EFHD1: variants seen among roughly 807,000 people sequenced by gnomAD.
EFHD1 encodes the protein EF-hand domain family member D1, also known as EF-hand domain-containing protein D1.
Under a neutral mutation model 17.2 loss-of-function variants are expected in EFHD1, and 10 were observed. The ratio of observed to expected loss-of-function variants is 0.58; its 90% CI spans 0.36 to 0.99. The LOEUF is 0.99. EFHD1 is among the 50% of genes least tolerant of loss of function. EFHD1 has a pLI of 0.01. For synonymous variants in EFHD1, 153 were observed against 142.0 expected (o/e 1.08, Z -0.55); for missense variants, 310 against 327.5 (o/e 0.95, Z 0.41).
At chr2:232,632,390 G>T (rs1694219711), upstream of EFHD1, among the ~76,000 whole-genome samples, 1 of 152,178 alleles carries the variant, frequency 6.6e-6, no homozygotes, top group Admixed American at 6.6e-5. Flanking sequence ...GTCCAGCGGG[G>T]TCACTGACCT....
At chr2:232,621,926 G>A (rs1694025128) in intron 1 of EFHD1, among the ~76,000 whole-genome samples, 1 of 152,186 alleles carries the variant, frequency 6.6e-6, no homozygotes, top group Non-Finnish European at 1.5e-5. Flanking sequence ...GGAAGAGCCA[G>A]GATAGTTTAT....
intron 1 of EFHD1, among the ~76,000 whole-genome samples, chr2:232,628,027 C>T (rs1289210043): frequency 6.6e-6 from 1 of 152,062 alleles, no homozygotes; most frequent in African/African-American, 2.4e-5. Context: ...GACTCTGCAC[C>T]AAAATGAAGT....
intron 1 of EFHD1, among the ~76,000 whole-genome samples, chr2:232,646,839 C>G (rs1308068233): frequency 6.6e-6 from 1 of 152,262 alleles, no homozygotes; most frequent in Middle Eastern, 3.2e-3. Context: ...TGGCTAACCT[C>G]TTCCTGCAGT....
At chr2:232,626,537 T>C (rs1255100255) in intron 1 of EFHD1, among the ~76,000 whole-genome samples, 2 of 152,180 alleles carry the variant, frequency 1.3e-5, no homozygotes, top group Non-Finnish European at 2.9e-5. Flanking sequence ...GACAGAATGA[T>C]AACTTGCCTA....
intron 1 of EFHD1, among the ~76,000 whole-genome samples, chr2:232,613,741 C>T (rs993297119): frequency 6.6e-6 from 1 of 150,828 alleles, no homozygotes; most frequent in African/African-American, 2.4e-5. Context: ...TACGCACACA[C>T]ATACACACAC....
intron 1 of EFHD1, chr2:232,611,402 G>A (rs1279415037): frequency 6.6e-6 from 1 of 152,176 alleles, no homozygotes; most frequent in Non-Finnish European, 1.5e-5. Context: ...TTGGCCCACA[G>A]TGGATCTTGA....
chr2:232,614,170 A>G (rs929092392), intron 1 of EFHD1, among the ~76,000 whole-genome samples: 2 of 151,648 alleles, frequency 1.3e-5, no homozygotes, highest in Non-Finnish European at 2.9e-5. Flanking sequence ...ACACATATAT[A>G]CAAACACACA....
chr2:232,633,509 C>A (rs966988410), upstream of EFHD1: 55 of 1,266,826 alleles, frequency 4.3e-5, no homozygotes, highest in Non-Finnish European at 5.9e-6. Context: ...TCGCTGAGCC[C>A]TGGCGCCTCC....
chr2:232,645,848 G>A (rs374173499), intron 1 of EFHD1, among the ~76,000 whole-genome samples: 2 of 152,206 alleles, frequency 1.3e-5, no homozygotes, highest in South Asian at 2.1e-4. Flanking sequence ...CTTGTAAGCG[G>A]TAGAGCTGGG....
intron 1 of EFHD1, among the ~76,000 whole-genome samples, chr2:232,612,128 A>T (rs796524926): frequency 1.2e-4 from 19 of 152,190 alleles, no homozygotes; most frequent in African/African-American, 4.6e-4. Flanking sequence ...CTGGGACTAC[A>T]GGCACCTGCC....
chr2:232,615,889 G>T (rs1435989473), intron 1 of EFHD1, among the ~76,000 whole-genome samples: 1 of 151,988 alleles, frequency 6.6e-6, no homozygotes, highest in Non-Finnish European at 1.5e-5. Flanking sequence ...GTTTCTTCTT[G>T]TTGGTCAGGC....
rs148694249 is a variant in EFHD1 at position 232,619,940 on chromosome 2, A to T, written c.14+13767A>T. Among the ~76,000 whole-genome samples, 492 of 152,176 alleles carry T rather than the reference A, an allele frequency of 3.2e-3. 5 individuals are homozygous for T. The highest frequency in any genetic ancestry group is 0.011 in the African/African-American group (472 of 41,522). ...AAAAATATATATTAAAAAACAAAAG[A>T]ATGCACAGGCTCCAGGGGTATGAGC... On this transcript the variant is annotated intron_variant, in intron 1 of 3. Coordinates refer to the EFHD1 transcript ENST00000409613.
chr2:232,641,432 G>A lies in EFHD1; in HGVS notation c.302+7426G>A, dbSNP rs950474747. Among the ~76,000 whole-genome samples, 11 of 152,202 alleles carry A rather than the reference G, an allele frequency of 7.2e-5. No homozygotes were observed. In the East Asian group the frequency reaches 7.7e-4, roughly 11 times the overall value. On this transcript the variant is annotated intron_variant, in intron 1 of 3. Coordinates refer to ENST00000264059, the MANE Select transcript of EFHD1 (RefSeq NM_025202.4). ...AAGGGAGGTACTCTGACTCCCTGGCGTGAGAGGCTTGCAGTTAGGAAGGGC... is the reference window on the plus strand; with the variant it reads ...AAGGGAGGTACTCTGACTCCCTGGCATGAGAGGCTTGCAGTTAGGAAGGGC...
chr2:232,662,716 T>C lies in EFHD1; in HGVS notation c.303-86T>C. 3 of 1,523,530 alleles carry C rather than the reference T, an allele frequency of 2.0e-6. 1 individual carries two copies. In the South Asian group the frequency reaches 3.9e-5, roughly 20 times the overall value. 94.4% of individuals were successfully genotyped at this position (1,523,530 alleles called of 1,614,324 possible). A position where few individuals can be genotyped will look rare whatever the true frequency, so the allele number is the denominator to read the frequency against. On this transcript the variant is annotated intron_variant, in intron 1 of 3. Transcript: ENST00000264059. Reference sequence around the variant, plus strand: ...GAGCGGGAGGTATTTGAGTCATTTTTCGATGAATGAAGCCAAAGGAATTAC... The same window carrying C: ...GAGCGGGAGGTATTTGAGTCATTTTCCGATGAATGAAGCCAAAGGAATTAC...
intron 1 of EFHD1, among the ~76,000 whole-genome samples, chr2:232,607,552 C>G (rs1329244012): frequency 6.6e-6 from 1 of 151,324 alleles, no homozygotes. Flanking sequence ...CGAGATCGCA[C>G]CACTGTACTC....
intron 3 of EFHD1, among the ~76,000 whole-genome samples, chr2:232,676,577 G>A (rs1695176809): frequency 6.6e-6 from 1 of 152,154 alleles, no homozygotes; most frequent in Admixed American, 6.5e-5. Context: ...GGTGGAGTCA[G>A]TCTCCCTTAG....
intron 2 of EFHD1, among the ~76,000 whole-genome samples, chr2:232,663,493 C>A (rs948937698): frequency 5.7e-4 from 87 of 151,940 alleles, no homozygotes; most frequent in African/African-American, 1.9e-3. Flanking sequence ...CCTTAGCCTC[C>A]CAAGTAGCTG....
upstream of EFHD1, among the ~76,000 whole-genome samples, chr2:232,630,753 C>A (rs1694186241): frequency 1.4e-5 from 2 of 144,496 alleles, no homozygotes; most frequent in African/African-American, 5.2e-5. Flanking sequence ...TCAAGACCTG[C>A]CTGGGCAACA....
At chr2:232,648,552 C>T (rs1369714702) in intron 1 of EFHD1, among the ~76,000 whole-genome samples, 3 of 152,146 alleles carry the variant, frequency 2.0e-5, no homozygotes, top group East Asian at 3.9e-4. Context: ...AGGGAGTCTC[C>T]GAGGCTCATC....
Sources: gnomAD v4.1 joint callset for allele counts (sites outside exome capture counted in the v4.1 genomes callset) on GRCh38, gnomAD v4.1.1 for gene constraint, MANE v1.5 for transcripts, NCBI Gene and HGNC (gene_info 2026-07-23, HGNC 2026-07-21) for gene names.